The following TRNAU1AP variants were observed in gnomAD, a reference collection of about 807,000 sequenced individuals.
TRNAU1AP encodes the protein tRNA selenocysteine 1 associated protein 1, also known as tRNA selenocysteine 1-associated protein 1.
TRNAU1AP carries 33 observed loss-of-function variants against 43.3 expected under a neutral mutation model. The ratio of observed to expected loss-of-function variants is 0.76; its 90% CI spans 0.58 to 1.02. The LOEUF (loss-of-function observed/expected upper bound fraction) is 1.02. Ranked by LOEUF, TRNAU1AP falls within the 50% of genes least tolerant of loss-of-function variation. The pLI is 0.00. For missense variants in TRNAU1AP, 290 were observed against 362.7 expected, an observed-to-expected ratio of 0.80 and a Z score of 1.63; for synonymous variants, 143 against 129.1, an observed-to-expected ratio of 1.11 and a Z score of -0.73.
At chr1:28,564,172 G>A (rs1013127106) in intron 4 of TRNAU1AP, among the ~76,000 whole-genome samples, 6 of 152,030 alleles carry the variant, frequency 3.9e-5, no homozygotes. Flanking sequence ...AGGCTAAGGT[G>A]TGAGAATCAC....
In TRNAU1AP at chr1:28,571,791, TAAAAA is replaced by T. The variant is rs984220100; in HGVS notation, c.694-74_694-70del. The T allele has an allele frequency of 3.7e-5, 46 of 1,253,092 alleles. 2 individuals carry two copies. The highest frequency in any genetic ancestry group is 1.0e-5 in the Non-Finnish European group (9 of 866,590). The allele number at this position is 1,253,092 out of a possible 1,614,324, so 77.6% of individuals were successfully genotyped here. A position where few individuals can be genotyped will look rare whatever the true frequency, so the allele number is the denominator to read the frequency against. On this transcript the variant is annotated intron_variant, in intron 7 of 8. Coordinates refer to ENST00000373830, the MANE Select transcript of TRNAU1AP (RefSeq NM_017846.5). ...GAGCTAGACTCCACCTCAAAAAAAA[TAAAAA>T]ATATAAGCCACTGTGGTCCTGGGCC...
intron 2 of TRNAU1AP, 146 bp from the exon 3 acceptor site, chr1:28,560,487 G>A: frequency 1.6e-6 from 1 of 613,596 alleles, no homozygotes. Context: ...TCAGCATGTT[G>A]TCCAGGCTGG....
chr1:28,558,550 C>T (rs1388337700), intron 2 of TRNAU1AP, among the ~76,000 whole-genome samples: 5 of 147,408 alleles, frequency 3.4e-5, no homozygotes, highest in Non-Finnish European at 7.4e-5. Flanking sequence ...CACACCACTA[C>T]GCCCGACTAA....
In TRNAU1AP at chr1:28,577,697, A is replaced by C. The variant is rs1665829087; in HGVS notation, c.*61A>C. 6.6e-6 allele frequency: 10 copies of C among 1,522,404 alleles called. No homozygotes were observed. Among genetic ancestry groups the C allele is most frequent in the Admixed American group, 2.2e-5 (1 of 45,120 alleles). The allele number at this position is 1,522,404 out of a possible 1,614,324, so 94.3% of individuals were successfully genotyped here. A position where few individuals can be genotyped will look rare whatever the true frequency, so the allele number is the denominator to read the frequency against. Reference sequence around the variant, plus strand: ...GGGAGATGAGAGACTCCTTTTTAAAAATTGTGAAACCTTTTTGGAAATATG... The same window carrying C: ...GGGAGATGAGAGACTCCTTTTTAAACATTGTGAAACCTTTTTGGAAATATG... On this transcript the variant is annotated 3_prime_UTR_variant, in exon 9 of 9. Coordinates refer to ENST00000373830, the MANE Select transcript of TRNAU1AP (RefSeq NM_017846.5).
intron 2 of TRNAU1AP, among the ~76,000 whole-genome samples, chr1:28,558,585 G>C (rs1258967008): frequency 8.6e-6 from 1 of 116,182 alleles, no homozygotes; most frequent in Non-Finnish European, 1.7e-5. Flanking sequence ...TTTTTTTTGA[G>C]ACGGAGTCTC....
At chr1:28,560,601 C>T in intron 2 of TRNAU1AP, 32 bp from the exon 3 acceptor site, 1 of 1,574,408 alleles carries the variant, frequency 6.4e-7, no homozygotes. Context: ...TTATCTTTAA[C>T]CATTTTCTTT....
chr1:28,565,196 C>T (rs2124201730), intron 5 of TRNAU1AP: 1 of 227,182 alleles, frequency 4.4e-6, no homozygotes, highest in South Asian at 5.2e-5. Context: ...AGAAGTGTTC[C>T]ACTTCAGGCT....
chr1:28,571,389 G>A, intron 7 of TRNAU1AP, 51 bp downstream of exon 7: 1 of 1,590,006 alleles, frequency 6.3e-7, no homozygotes, highest in Non-Finnish European at 8.6e-7. Context: ...TTCTCCTCTA[G>A]AAACAGGTCA....
At chr1:28,563,866 A>T (rs1227820846) in intron 4 of TRNAU1AP, among the ~76,000 whole-genome samples, 1 of 151,948 alleles carries the variant, frequency 6.6e-6, no homozygotes, top group Non-Finnish European at 1.5e-5. Context: ...AAAAGAAAAA[A>T]AAAATAACAA....
At position 28,561,353 on chromosome 1, in the gene TRNAU1AP, G is replaced by A; in HGVS notation, c.233G>A (p.Arg78His). The change falls in exon 4 of 9, where the codon CGT (arginine) becomes CAT (histidine). Residue 78 changes from arginine (R) to histidine (H), a missense_variant. This residue lies in a region of TRNAU1AP where 174 missense variants were observed against 262.1 expected (regional missense o/e 0.66). Transcript: ENST00000373830. ...KPLPGATPAK[R>H]FKLNYATYGK... is the part of the protein sequence containing the mutation. ...TTGTTTTTCAACTTCCAGGCGAAACGTTTTAAACTGAACTATGCCACTTAC... is the reference window on the plus strand; with the variant it reads ...TTGTTTTTCAACTTCCAGGCGAAACATTTTAAACTGAACTATGCCACTTAC... 1.2e-6 allele frequency: 2 copies of A among 1,614,138 alleles called. No homozygotes were observed. The highest frequency in any genetic ancestry group is 1.7e-6 in the Non-Finnish European group (2 of 1,180,020).
At chr1:28,561,802 G>A (rs1005879321) in intron 4 of TRNAU1AP, among the ~76,000 whole-genome samples, 1 of 152,058 alleles carries the variant, frequency 6.6e-6, no homozygotes, top group African/African-American at 2.4e-5. Flanking sequence ...GCCGGGTGTG[G>A]TGGCTCACTC....
intron 6 of TRNAU1AP, among the ~76,000 whole-genome samples, chr1:28,568,170 A>T (rs1297937062): frequency 6.6e-6 from 1 of 152,192 alleles, no homozygotes; most frequent in African/African-American, 2.4e-5. Flanking sequence ...TCTCAAATAA[A>T]AAAGAAAAAT....
chr1:28,560,711 A>AC lies in TRNAU1AP; in HGVS notation c.208dup (p.Leu70ProfsTer11). The AC allele has an allele frequency of 1.2e-6, 2 of 1,613,706 alleles. No homozygotes were observed. The highest frequency in any genetic ancestry group is 2.2e-5 in the East Asian group (1 of 44,880). Reference sequence around the variant, plus strand: ...AGTGTTTGCATAAAATTAATGGGAAACCCCTTCCAGGAGCCACACCTGTAA... The same window carrying AC: ...AGTGTTTGCATAAAATTAATGGGAAACCCCCTTCCAGGAGCCACACCTGTAA... On this transcript the variant is annotated frameshift_variant, in exon 3 of 9. Coordinates refer to ENST00000373830, the MANE Select transcript of TRNAU1AP (RefSeq NM_017846.5). LOFTEE classifies it high-confidence loss of function.
In TRNAU1AP at chr1:28,571,821, C is replaced by T. The variant is rs772007125; in HGVS notation, c.694-46C>T. The T allele has an allele frequency of 9.9e-6, 15 of 1,515,432 alleles. No individual in the cohort carries two copies. In the South Asian group the frequency reaches 1.7e-4, roughly 17 times the overall value. The allele number at this position is 1,515,432 out of a possible 1,614,324, so 93.9% of individuals were successfully genotyped here. On this transcript the variant is annotated intron_variant, in intron 7 of 8. Transcript: ENST00000373830. ...AATATAAGCCACTGTGGTCCTGGGCCAGGATTTCACCATGCCCCTAACCCA... is the reference window on the plus strand; with the variant it reads ...AATATAAGCCACTGTGGTCCTGGGCTAGGATTTCACCATGCCCCTAACCCA...
At position 28,578,184 on chromosome 1, in the gene TRNAU1AP, A is replaced by G. The variant is rs1329082559; in HGVS notation, c.*548A>G. On this transcript the variant is annotated 3_prime_UTR_variant, in exon 9 of 9. Coordinates refer to ENST00000373830, the MANE Select transcript of TRNAU1AP (RefSeq NM_017846.5). ...CTTGCTCTAATAATGGGTTTCATCT[A>G]TTTTCATGAGTTGCAGCATCTGCAT... is the stretch of plus-strand genomic sequence containing the variant. The G allele has an allele frequency of 6.3e-6, 1 of 157,696 alleles. No individual in the cohort carries two copies. The highest frequency in any genetic ancestry group is 1.4e-5 in the Non-Finnish European group (1 of 71,488). 9.8% of individuals were successfully genotyped at this position (157,696 alleles called of 1,614,324 possible).
chr1:28,561,064 C>T (rs1665394136), intron 3 of TRNAU1AP: 1 of 1,354,260 alleles, frequency 7.4e-7, no homozygotes, highest in Non-Finnish European at 9.5e-7. Context: ...AATAGGCTGG[C>T]AGCAGCAAGG....
chr1:28,555,496 CTT>C (rs958204626), intron 2 of TRNAU1AP, among the ~76,000 whole-genome samples: 21 of 140,472 alleles, frequency 1.5e-4, no homozygotes, highest in Non-Finnish European at 1.6e-4. Flanking sequence ...TACTCTTTTC[CTT>C]TTTTTTTTTT....
chr1:28,556,127 C>G (rs953797968), intron 2 of TRNAU1AP, among the ~76,000 whole-genome samples: 1 of 151,856 alleles, frequency 6.6e-6, no homozygotes, highest in African/African-American at 2.4e-5. Flanking sequence ...GCTGGGATTA[C>G]AGGTGTGAGC....
rs540468740 is a variant in TRNAU1AP, at chr1:28,573,861, C to T, written c.727+1961C>T. Among the ~76,000 whole-genome samples, 8 of 151,592 alleles carry T rather than the reference C, an allele frequency of 5.3e-5. No individual in the cohort carries two copies. The East Asian group carries it at 9.8e-4, about 19-fold the overall frequency. On this transcript the variant is annotated intron_variant, in intron 8 of 8. Coordinates refer to ENST00000373830, the MANE Select transcript of TRNAU1AP (RefSeq NM_017846.5). ...CTGAAGCAGGAGACTCACTTGAACC[C>T]GGGAGATGGAGGTTTCGGTGAGCCA...
Sources: gnomAD v4.1 joint callset for allele counts (sites outside exome capture counted in the v4.1 genomes callset) on GRCh38, gnomAD v4.1.1 for gene constraint, gnomAD v4.1.1 regional missense constraint, MANE v1.5 for transcripts, NCBI Gene and HGNC (gene_info 2026-07-23, HGNC 2026-07-21) for gene names.